Variants in GRID2IP observed in about 807,000 individuals in gnomAD.
GRID2IP encodes the protein delphilin.
Under a neutral mutation model 114.3 loss-of-function variants are expected in GRID2IP, and 78 were observed. The ratio of observed to expected loss-of-function variants is 0.68; its 90% CI spans 0.57 to 0.82. GRID2IP has a LOEUF of 0.82. Among genes scored for constraint, GRID2IP ranks in the 40% least tolerant of loss-of-function variants. The pLI, the probability that GRID2IP is intolerant of heterozygous loss-of-function variation, is 0.00. For synonymous variants in GRID2IP, 809 were observed against 724.0 expected (o/e 1.12, Z -1.89); for missense variants, 1,727 against 1,678.5 (o/e 1.03, Z -0.51).
chr7:6,537,442 A>G lies in GRID2IP; in HGVS notation c.584+2276T>C, dbSNP rs1779746267. Among the ~76,000 whole-genome samples, 3 of 116,818 alleles carry G rather than the reference A, an allele frequency of 2.6e-5. No individual in the cohort carries two copies. In the South Asian group the frequency reaches 9.1e-4, roughly 35 times the overall value. 76.6% of individuals were successfully genotyped at this position (116,818 alleles called of 152,430 possible). A position where few individuals can be genotyped will look rare whatever the true frequency, so the allele number is the denominator to read the frequency against. Reference sequence around the variant, plus strand: ...GGCAGGGCTGGAGTGCAGTGTCGTGATCTCAGCTCACCGCAACCTCCCTCT... The same window carrying G: ...GGCAGGGCTGGAGTGCAGTGTCGTGGTCTCAGCTCACCGCAACCTCCCTCT... On this transcript the variant is annotated intron_variant, in intron 2 of 21. Transcript: ENST00000457091.
At position 6,502,116 on chromosome 7, in the gene GRID2IP, C is replaced by A; in HGVS notation, c.3153G>T (p.Leu1051=). 6.4e-7 allele frequency: 1 copy of A among 1,551,222 alleles called. No homozygotes were observed. The highest frequency in any genetic ancestry group is 1.2e-5 in the South Asian group (1 of 84,010). ...TGFKINFLTE[L]NSTKTVDGKS... ...TCCCATCCACTGTCTTGGTGGAGTT[C>A]AGCTGCAAGTGACCCCCAATATACA... Residue 1051 remains leucine, a splice_region_variant and synonymous_variant, in exon 19 of 22, where the codon CTG becomes CTT. Coordinates refer to ENST00000457091, the MANE Select transcript of GRID2IP (RefSeq NM_001145118.2).
chr7:6,514,159 A>G (rs1779244379), intron 8 of GRID2IP, among the ~76,000 whole-genome samples: 1 of 151,844 alleles, frequency 6.6e-6, no homozygotes, highest in Non-Finnish European at 1.5e-5. Context: ...AGGCTGACGC[A>G]GGAGAATCGC....
In GRID2IP at chr7:6,502,171, C is replaced by G; in HGVS notation, c.3151-53G>C. On this transcript the variant is annotated intron_variant, in intron 18 of 21. Transcript: ENST00000457091. ...CGTCAAGGACCCCATCAGATGGGGTCACATGGGCCCAGCTTCTCCTGGACT... is the reference window on the plus strand; with the variant it reads ...CGTCAAGGACCCCATCAGATGGGGTGACATGGGCCCAGCTTCTCCTGGACT... 2.0e-6 allele frequency: 3 copies of G among 1,506,084 alleles called. No homozygotes were observed. In the South Asian group the frequency reaches 3.7e-5, roughly 18 times the overall value. 93.3% of individuals were successfully genotyped at this position (1,506,084 alleles called of 1,614,324 possible).
Position 6,551,360 on chromosome 7 carries a change from G to A in GRID2IP, c.77C>T (p.Pro26Leu), listed in dbSNP as rs1460738766. ...CTTGGCCACCTCCAGGACGAAGCAGGGGCCAGAGCCACCTAGCCGGAAGCC... is the reference window on the plus strand; with the variant it reads ...CTTGGCCACCTCCAGGACGAAGCAGAGGCCAGAGCCACCTAGCCGGAAGCC... Reference protein sequence around the residue: ...DFGFRLGGSGPCFVLEVAKGS... With the variant: ...DFGFRLGGSGLCFVLEVAKGS... The change falls in exon 1 of 22, where the codon CCC (proline) becomes CTC (leucine). Residue 26 changes from proline (P) to leucine (L), a missense_variant. Physicochemically the swap from Pro to Leu is moderately conservative, Grantham distance 98 (BLOSUM62 -3). Coordinates refer to ENST00000457091, the MANE Select transcript of GRID2IP (RefSeq NM_001145118.2). 2 of 1,548,592 alleles carry A rather than the reference G, an allele frequency of 1.3e-6. No individual in the cohort carries two copies. The highest frequency in any genetic ancestry group is 2.7e-5 in the African/African-American group (2 of 72,932).
chr7:6,501,599 A>C (rs1786416942), intron 20 of GRID2IP, among the ~76,000 whole-genome samples, 182 bp downstream of exon 20: 2 of 152,166 alleles, frequency 1.3e-5, no homozygotes, highest in Non-Finnish European at 2.9e-5. Flanking sequence ...TGCCTCAATC[A>C]ATCAATCAAT....
At position 6,546,200 on chromosome 7, in the gene GRID2IP, G is replaced by GT. The variant is rs768487172; in HGVS notation, c.429+4807dup. Among the ~76,000 whole-genome samples the GT allele has an allele frequency of 7.9e-5, 12 of 151,822 alleles. No individual in the cohort carries two copies. In the East Asian group the frequency reaches 2.4e-3, roughly 31 times the overall value. On this transcript the variant is annotated intron_variant, in intron 1 of 21. Transcript: ENST00000457091. Reference sequence around the variant, plus strand: ...CAGTCTGGCGCAGTGGCTCATGCCTGTAATCCCAGCACTTTGGAAGGCAGA... The same window carrying GT: ...CAGTCTGGCGCAGTGGCTCATGCCTGTTAATCCCAGCACTTTGGAAGGCAGA...
chr7:6,503,246 G>T, intron 16 of GRID2IP, 83 bp from the exon 17 acceptor site: 2 of 1,112,692 alleles, frequency 1.8e-6, no homozygotes, highest in Admixed American at 2.9e-5. Context: ...TGGGAGGGGG[G>T]GATCTGCTGG....
chr7:6,502,415 T>C (rs531751818), intron 18 of GRID2IP, among the ~76,000 whole-genome samples: 2 of 152,194 alleles, frequency 1.3e-5, no homozygotes, highest in Non-Finnish European at 2.9e-5. Context: ...GGGGTCTAGC[T>C]ATGTTGTCCA....
chr7:6,502,282 T>G (rs955095475), intron 18 of GRID2IP, among the ~76,000 whole-genome samples, 164 bp from the exon 19 acceptor site: 3 of 152,058 alleles, frequency 2.0e-5, no homozygotes, highest in African/African-American at 7.2e-5. Context: ...TGGAGTGCAG[T>G]GGCTCCATCA....
intron 2 of GRID2IP, among the ~76,000 whole-genome samples, chr7:6,537,863 G>A (rs553614484): frequency 6.9e-4 from 105 of 151,788 alleles, no homozygotes; most frequent in African/African-American, 2.2e-3. Flanking sequence ...AAAGCTTCGA[G>A]CAAAACAGAG....
At chr7:6,522,171 G>A (rs924245323) in intron 4 of GRID2IP, among the ~76,000 whole-genome samples, 2 of 152,104 alleles carry the variant, frequency 1.3e-5, no homozygotes, top group Non-Finnish European at 2.9e-5. Context: ...GCAACATAGC[G>A]AGACCCCATC....
At position 6,509,128 on chromosome 7, in the gene GRID2IP, G is replaced by A; in HGVS notation, c.1957C>T (p.Pro653Ser). 1.4e-6 allele frequency: 2 copies of A among 1,474,430 alleles called. No homozygotes were observed. The highest frequency in any genetic ancestry group is 1.8e-6 in the Non-Finnish European group (2 of 1,112,596). The allele number at this position is 1,474,430 out of a possible 1,614,324, so 91.3% of individuals were successfully genotyped here. Residue 653 changes from proline to serine, a missense_variant, in exon 12 of 22, where the codon CCC becomes TCC. Coordinates refer to ENST00000457091, the MANE Select transcript of GRID2IP (RefSeq NM_001145118.2). This position sits in a 1 kb window ranked among gnomAD's most constrained non-coding sequence, Gnocchi z 4.9. The part of the protein sequence containing the change: ...PGPGPICPDS[P>S]PSPDPTRPPS... ...GGGCGGGTGGGGTCCGGGCTTGGGG[G>A]GCTGTCGGGGCAGATGGGCCCGGGG... is the stretch of plus-strand genomic sequence containing the variant.
chr7:6,548,393 T>C (rs1467581632), intron 1 of GRID2IP, among the ~76,000 whole-genome samples: 8 of 151,954 alleles, frequency 5.3e-5, no homozygotes, highest in Admixed American at 3.3e-4. Context: ...ATGGATTGTT[T>C]ATAACTCAAA....
Position 6,526,812 on chromosome 7 carries a change from C to G in GRID2IP, c.585-43G>C, listed in dbSNP as rs1250941518. 6.9e-7 allele frequency: 1 copy of G among 1,450,196 alleles called. No homozygotes were observed. The highest frequency in any genetic ancestry group is 9.1e-7 in the Non-Finnish European group (1 of 1,102,104). The allele number at this position is 1,450,196 out of a possible 1,614,324, so 89.8% of individuals were successfully genotyped here. A position where few individuals can be genotyped will look rare whatever the true frequency, so the allele number is the denominator to read the frequency against. The stretch of plus-strand genomic sequence containing the variant: ...GGAGTCGGGGCGCGTTCCCGGACCC[C>G]GGATCTCTGCAAACCGCGGCCCGAA... On this transcript the variant is annotated intron_variant, in intron 2 of 21. Coordinates refer to ENST00000457091, the MANE Select transcript of GRID2IP (RefSeq NM_001145118.2). The surrounding 1 kb of genome is among the most constrained non-coding windows in gnomAD (Gnocchi z 7.6).
At position 6,546,771 on chromosome 7, in the gene GRID2IP, C is replaced by T. The variant is rs140734142; in HGVS notation, c.429+4237G>A. The stretch of plus-strand genomic sequence containing the variant: ...GCAGCCTGTCGGATTCTACCCTCAG[C>T]GGGTTGCTGCCCAGCCCTGCTCCTG... On this transcript the variant is annotated intron_variant, in intron 1 of 21. Coordinates refer to ENST00000457091, the MANE Select transcript of GRID2IP (RefSeq NM_001145118.2). Among the ~76,000 whole-genome samples, 659 of 152,152 alleles carry T rather than the reference C, an allele frequency of 4.3e-3. 7 individuals carry two copies. The highest frequency in any genetic ancestry group is 0.015 in the African/African-American group (642 of 41,512).
rs2115062576 is a variant in GRID2IP, at chr7:6,514,358, G to A, written c.1423+17C>T. On this transcript the variant is annotated intron_variant, in intron 8 of 21. Coordinates refer to ENST00000457091, the MANE Select transcript of GRID2IP (RefSeq NM_001145118.2). Reference sequence around the variant, plus strand: ...AGCAGCTGCAGGCAGGGAAGTGGCAGGGGAGAGGACGCTTACCTGTCATGG... The same window carrying A: ...AGCAGCTGCAGGCAGGGAAGTGGCAAGGGAGAGGACGCTTACCTGTCATGG... The A allele has an allele frequency of 6.7e-7, 1 of 1,487,106 alleles. No homozygotes were observed. The highest frequency in any genetic ancestry group is 1.4e-5 in the African/African-American group (1 of 71,948). 92.1% of individuals were successfully genotyped at this position (1,487,106 alleles called of 1,614,324 possible). A position where few individuals can be genotyped will look rare whatever the true frequency, so the allele number is the denominator to read the frequency against.
chr7:6,532,068 A>G lies in GRID2IP; in HGVS notation c.585-5299T>C, dbSNP rs1274974361. 2.0e-5 allele frequency among the ~76,000 whole-genome samples: 3 copies of G among 152,144 alleles called. No homozygotes were observed. Among genetic ancestry groups the G allele is most frequent in the Non-Finnish European group, 4.4e-5 (3 of 68,012 alleles). On this transcript the variant is annotated intron_variant, in intron 2 of 21. Coordinates refer to ENST00000457091, the MANE Select transcript of GRID2IP (RefSeq NM_001145118.2). The surrounding 1 kb of genome is among the most constrained non-coding windows in gnomAD (Gnocchi z 4.4). ...TTAAAGGGGAGGAGAGGGAGGCCAC[A>G]GGAAAGGAGGTCTGGACTCATCCCT...
chr7:6,529,155 GA>G (rs1779569833), intron 2 of GRID2IP, among the ~76,000 whole-genome samples: 1 of 152,088 alleles, frequency 6.6e-6, no homozygotes, highest in Admixed American at 6.6e-5. Context: ...GCAGCAACTA[GA>G]AAAGGCCCTG....
chr7:6,510,806 C>T, intron 9 of GRID2IP, 100 bp from the exon 10 acceptor site: 3 of 1,470,540 alleles, frequency 2.0e-6, no homozygotes, highest in South Asian at 1.2e-5. Flanking sequence ...AATCCTGAGC[C>T]CTGCTTAGCC....
Sources: allele counts gnomAD v4.1 joint callset (sites outside exome capture counted in the v4.1 genomes callset), GRCh38; gene constraint gnomAD v4.1.1; non-coding constraint Gnocchi (gnomAD v3.1); transcripts MANE v1.5; gene names NCBI Gene and HGNC (gene_info 2026-07-23, HGNC 2026-07-21).